ADGRV1: variants seen among roughly 807,000 people sequenced by gnomAD.
ADGRV1 encodes G-protein coupled receptor 98.
In ADGRV1, 359 loss-of-function variants were observed where a neutral mutation model predicts 596.2. The ratio of observed to expected loss-of-function variants is 0.60; its 90% confidence interval spans 0.55 to 0.66. The LOEUF is 0.66. ADGRV1 is among the 30% of genes least tolerant of loss of function. ADGRV1 has a pLI of 0.00. For synonymous variants in ADGRV1, 2,681 were observed against 2,679.2 expected (o/e 1.00, Z -0.02); for missense variants, 7,274 against 7,575.6 (o/e 0.96, Z 1.48).
chr5:90,779,332 G>A (rs1758601569), intron 64 of ADGRV1: 1 of 291,588 alleles, frequency 3.4e-6, no homozygotes, highest in Admixed American at 4.6e-5. Flanking sequence ...TGTTTCTATT[G>A]TGTGGACTCA....
At chr5:90,607,865 A>G (rs1241620230) in intron 1 of ADGRV1, among the ~76,000 whole-genome samples, 1 of 152,148 alleles carries the variant, frequency 6.6e-6, no homozygotes, top group East Asian at 1.9e-4. Flanking sequence ...ATAGATGATG[A>G]AGAATTACCA....
At chr5:91,027,766 C>A (rs1242187078) in intron 85 of ADGRV1, among the ~76,000 whole-genome samples, 1 of 152,102 alleles carries the variant, frequency 6.6e-6, no homozygotes, top group East Asian at 1.9e-4. Context: ...AAGTAAACAG[C>A]GGCCAAAGAT....
intron 21 of ADGRV1, among the ~76,000 whole-genome samples, chr5:90,666,481 A>G (rs1580660523): frequency 1.3e-5 from 2 of 151,130 alleles, no homozygotes; most frequent in Admixed American, 6.6e-5. Context: ...ATTTTCCTCA[A>G]TCTTTTTATT....
intron 85 of ADGRV1, among the ~76,000 whole-genome samples, chr5:91,051,379 T>C (rs1414864300): frequency 6.6e-6 from 1 of 152,102 alleles, no homozygotes. Context: ...ATTTAATAAA[T>C]TACATGAGAT....
chr5:90,654,851 G>C (rs1306651832), intron 20 of ADGRV1: 2 of 152,102 alleles, frequency 1.3e-5, no homozygotes, highest in Non-Finnish European at 2.9e-5. Flanking sequence ...TTTTGGCTGT[G>C]TGAATACCTA....
At chr5:90,817,498 T>G (rs1763018325) in intron 75 of ADGRV1, among the ~76,000 whole-genome samples, 1 of 151,676 alleles carries the variant, frequency 6.6e-6, no homozygotes, top group South Asian at 2.1e-4. Flanking sequence ...CATGCCTGTG[T>G]CCTGAATGGT....
At chr5:90,620,116 A>T (rs1763868884) in intron 4 of ADGRV1, among the ~76,000 whole-genome samples, 1 of 152,118 alleles carries the variant, frequency 6.6e-6, no homozygotes, top group South Asian at 2.1e-4. Context: ...GTATATACCC[A>T]GTAATGGGAT....
At chr5:90,594,520 T>A (rs1444969930) in intron 1 of ADGRV1, among the ~76,000 whole-genome samples, 1 of 131,932 alleles carries the variant, frequency 7.6e-6, no homozygotes, top group Non-Finnish European at 1.6e-5. Context: ...CATTCTTGGG[T>A]GTTTCTCACA....
intron 84 of ADGRV1, among the ~76,000 whole-genome samples, chr5:90,979,460 G>A (rs1439261534): frequency 7.2e-5 from 11 of 152,066 alleles, no homozygotes; most frequent in East Asian, 5.8e-4. Context: ...GTGAGCTACC[G>A]TGCCCAGCCT....
intron 9 of ADGRV1, among the ~76,000 whole-genome samples, chr5:90,633,930 C>T (rs1430368112): frequency 3.9e-5 from 6 of 151,978 alleles, no homozygotes; most frequent in African/African-American, 1.2e-4. Flanking sequence ...TACTATCCAT[C>T]GCAAAATAGG....
chr5:90,891,333 A>G (rs2367180), intron 83 of ADGRV1, among the ~76,000 whole-genome samples: 3 of 151,334 alleles, frequency 2.0e-5, no homozygotes, highest in Non-Finnish European at 3.0e-5. Context: ...AGACAACACA[A>G]ACTGAAAGGT....
Position 90,694,399 on chromosome 5 carries a change from T to G in ADGRV1, c.7643T>G (p.Met2548Arg). Residue 2548 changes from methionine to arginine, a missense_variant, in exon 33 of 90, where the codon ATG (methionine) becomes AGG (arginine). By Grantham distance (91) the Met-to-Arg change is moderately conservative. Around this residue, in one of 5 missense-constraint regions of ADGRV1, gnomAD observed 3,643 missense variants for 3,809.2 expected, o/e 0.96. Coordinates refer to ENST00000405460, the MANE Select transcript of ADGRV1 (RefSeq NM_032119.4). ...ATTTCTCTCCTTGAAGTTCACCTCA[T>G]GAACATTTCAGCCAGTTTGAAAAAT... ...FLISLLEVHL[M>R]NISASLKNQP... The G allele has an allele frequency of 6.2e-7, 1 of 1,614,004 alleles. No individual in the cohort carries two copies.
intron 76 of ADGRV1, among the ~76,000 whole-genome samples, chr5:90,828,010 T>C (rs1176465598): frequency 6.6e-6 from 1 of 152,176 alleles, no homozygotes; most frequent in Non-Finnish European, 1.5e-5. Context: ...CTCCTTTGAG[T>C]TATGCCAGAT....
At chr5:90,733,864 G>T (rs1302810298) in intron 50 of ADGRV1, among the ~76,000 whole-genome samples, 1 of 152,096 alleles carries the variant, frequency 6.6e-6, no homozygotes, top group African/African-American at 2.4e-5. Context: ...CTGGTGTGCA[G>T]ATCTCAAAAA....
Position 90,778,428 on chromosome 5 carries a change from C to A in ADGRV1, c.12668C>A (p.Ala4223Asp). The A allele has an allele frequency of 6.2e-7, 1 of 1,611,776 alleles. No individual in the cohort carries two copies. The highest frequency in any genetic ancestry group is 1.1e-5 in the South Asian group (1 of 90,660). Residue 4223 changes from alanine (A) to aspartate (D), a missense_variant and splice_region_variant, in exon 63 of 90, where the codon GCT becomes GAT. Coordinates refer to ENST00000405460, the MANE Select transcript of ADGRV1 (RefSeq NM_032119.4). ...EQSAVIVVIQ[A>D]LNDDIPEEKS... Reference sequence around the variant, plus strand: ...TGATGACTCTTTGTCTTTTTCTAGGCTTTGAACGATGACATTCCCGAGGAA... The same window carrying A: ...TGATGACTCTTTGTCTTTTTCTAGGATTTGAACGATGACATTCCCGAGGAA...
intron 87 of ADGRV1, among the ~76,000 whole-genome samples, chr5:91,143,446 T>C (rs892995417): frequency 3.3e-5 from 5 of 152,168 alleles, no homozygotes; most frequent in African/African-American, 1.2e-4. Context: ...TATTGAGTGA[T>C]AGAGCTCAGA....
At position 90,779,764 on chromosome 5, in the gene ADGRV1, A is replaced by G. The variant is rs188859696; in HGVS notation, c.13082+667A>G. 65 of 152,338 alleles carry G rather than the reference A, an allele frequency of 4.3e-4. 1 individual carries two copies. The highest frequency in any genetic ancestry group is 1.5e-3 in the African/African-American group (63 of 41,570). 9.4% of individuals were successfully genotyped at this position (152,338 alleles called of 1,614,324 possible). The stretch of plus-strand genomic sequence containing the variant: ...CACAGGTTGAGAGAGACCTACCAGC[A>G]TCTCTGCCCAGATAGCAGATAGGTG... On this transcript the variant is annotated intron_variant, in intron 64 of 89. Transcript: ENST00000405460.
At chr5:90,781,087 G>A (rs1386007175) in intron 64 of ADGRV1, 1 of 339,472 alleles carries the variant, frequency 2.9e-6, no homozygotes, top group Non-Finnish European at 5.6e-6. Flanking sequence ...GTCTATTACT[G>A]TATATGTATG....
chr5:90,589,800 C>G (rs1759239346), intron 1 of ADGRV1, among the ~76,000 whole-genome samples: 1 of 152,062 alleles, frequency 6.6e-6, no homozygotes. Context: ...TTTTCAAAAA[C>G]AGCATCAGAA....
Sources: gnomAD v4.1 joint callset for allele counts (sites outside exome capture counted in the v4.1 genomes callset) on GRCh38, gnomAD v4.1.1 for gene constraint, gnomAD v4.1.1 regional missense constraint, MANE v1.5 for transcripts, NCBI Gene and HGNC (gene_info 2026-07-23, HGNC 2026-07-21) for gene names.